RGPD4: variants seen among roughly 807,000 people sequenced by gnomAD.
RGPD4 encodes RANBP2 like and GRIP domain containing 4.
RGPD4 carries 84 observed loss-of-function variants against 141.1 expected under a neutral mutation model. The observed-to-expected ratio is 0.60, with a 90% confidence interval of 0.50 to 0.71. The LOEUF is 0.71. Among genes scored for constraint, RGPD4 ranks in the 30% least tolerant of loss-of-function variants. The pLI is 0.00. For synonymous variants in RGPD4, 298 were observed against 566.8 expected (o/e 0.53, Z 6.74); for missense variants, 918 against 1,622.4 (o/e 0.57, Z 7.46).
intron 7 of RGPD4, among the ~76,000 whole-genome samples, chr2:107,853,925 CTT>C (rs1417163770): frequency 2.6e-5 from 3 of 114,318 alleles, no homozygotes; most frequent in African/African-American, 7.0e-5. Context: ...TTAAAAAAAA[CTT>C]TTTTTAGAGA....
At chr2:107,828,780 C>T (rs1681344145) in intron 1 of RGPD4, among the ~76,000 whole-genome samples, 1 of 27,136 alleles carries the variant, frequency 3.7e-5, no homozygotes, top group Admixed American at 2.3e-4. Flanking sequence ...TGGCTCCTGA[C>T]GGGCGCTGCT....
At position 107,882,762 on chromosome 2, in the gene RGPD4, C is replaced by T. The variant is rs367571051; in HGVS notation, c.5155C>T (p.Gln1719Ter). ...GGAACACTTGAAGAACGTCTTGCTGCAGTTCATTTTCTTGAAGCCAGGTAG... is the reference window on the plus strand; with the variant it reads ...GGAACACTTGAAGAACGTCTTGCTGTAGTTCATTTTCTTGAAGCCAGGTAG... ...NVEHLKNVLLQFIFLKPGSER... is the reference protein window; with the variant it reads ...NVEHLKNVLL The change falls in exon 22 of 23, where the codon CAG (glutamine) becomes TAG (stop). Residue 1719 changes from glutamine to a stop codon, truncating the protein, a stop_gained. Coordinates refer to ENST00000408999, the MANE Select transcript of RGPD4 (RefSeq NM_182588.3). LOFTEE classifies it high-confidence loss of function. The T allele has an allele frequency of 3.1e-6, 5 of 1,611,514 alleles. No individual in the cohort carries two copies. In the South Asian group the frequency reaches 5.5e-5, roughly 18 times the overall value.
At chr2:107,834,434 A>C (rs1451703926) in intron 1 of RGPD4, among the ~76,000 whole-genome samples, 2 of 151,876 alleles carry the variant, frequency 1.3e-5, no homozygotes, top group African/African-American at 2.4e-5. Flanking sequence ...AACAGTTCTG[A>C]ATAACATGAT....
chr2:107,854,774 A>G (rs531782360), intron 8 of RGPD4, 131 bp downstream of exon 8: 11 of 1,199,894 alleles, frequency 9.2e-6, no homozygotes, highest in Non-Finnish European at 1.2e-5. Flanking sequence ...GTATCAGTTA[A>G]GAGCAATAGG....
intron 1 of RGPD4, among the ~76,000 whole-genome samples, chr2:107,833,499 A>G (rs1162485474): frequency 1.5e-4 from 23 of 150,094 alleles, no homozygotes; most frequent in African/African-American, 4.7e-4. Context: ...TCCTGTTTAC[A>G]TAACATGGGC....
In RGPD4 at chr2:107,859,767, A is replaced by G; in HGVS notation, c.1680A>G (p.Ile560Met). The G allele has an allele frequency of 6.2e-7, 1 of 1,610,986 alleles. No individual in the cohort carries two copies. Among genetic ancestry groups the G allele is most frequent in the Non-Finnish European group, 8.5e-7 (1 of 1,179,820 alleles). Reference sequence around the variant, plus strand: ...TGAGACTTTTAGTTCAGCATGAAATAAACACTCTAAGAGCCCAGGAAAAAC... The same window carrying G: ...TGAGACTTTTAGTTCAGCATGAAATGAACACTCTAAGAGCCCAGGAAAAAC... ...AKLRLLVQHE[I>M]NTLRAQEKHG... Residue 560 changes from isoleucine (I) to methionine (M), a missense_variant, in exon 12 of 23, where the codon ATA becomes ATG. Coordinates refer to ENST00000408999, the MANE Select transcript of RGPD4 (RefSeq NM_182588.3).
At chr2:107,828,284 CGCTGCTCCCTGGCGCGCTCTGTTGA>C (rs1681309834) in intron 1 of RGPD4, among the ~76,000 whole-genome samples, 1 of 40,938 alleles carries the variant, frequency 2.4e-5, no homozygotes, top group East Asian at 4.2e-4. Context: ...TCCCGACGGG[CGCTGCTCCCTGGCGCGCTCTGTTGA>C]GGCGGCGGCC....
At chr2:107,881,838 C>T (rs1231956394) in intron 21 of RGPD4, among the ~76,000 whole-genome samples, 2 of 151,550 alleles carry the variant, frequency 1.3e-5, no homozygotes, top group Admixed American at 6.6e-5. Context: ...TGCCTCATTT[C>T]TCTGATAGTG....
chr2:107,873,630 G>A (rs1388289193), intron 20 of RGPD4, among the ~76,000 whole-genome samples: 2 of 149,908 alleles, frequency 1.3e-5, no homozygotes, highest in African/African-American at 4.9e-5. Flanking sequence ...CATTTTATGT[G>A]TTGTATGTCA....
chr2:107,890,663 T>G, intron 22 of RGPD4, 58 bp from the exon 23 acceptor site: 3 of 1,488,928 alleles, frequency 2.0e-6, no homozygotes, highest in South Asian at 2.5e-5. Context: ...ATATAGATTT[T>G]ACATTGAGAA....
intron 6 of RGPD4, among the ~76,000 whole-genome samples, chr2:107,845,629 C>T (rs1475705879): frequency 1.3e-5 from 2 of 152,278 alleles, no homozygotes; most frequent in Admixed American, 6.5e-5. Flanking sequence ...ACTCATGGGC[C>T]CTTTGTTACC....
chr2:107,829,758 C>G (rs1468089388), intron 1 of RGPD4, among the ~76,000 whole-genome samples: 4 of 152,140 alleles, frequency 2.6e-5, no homozygotes, highest in Non-Finnish European at 5.9e-5. Context: ...GACGCTTGTT[C>G]CCGACGGTGC....
At chr2:107,878,473 G>A (rs577586503) in intron 20 of RGPD4, among the ~76,000 whole-genome samples, 14 of 151,554 alleles carry the variant, frequency 9.2e-5, no homozygotes, top group African/African-American at 3.2e-4. Context: ...TAATTCTCCC[G>A]AAACTAAACT....
intron 9 of RGPD4, among the ~76,000 whole-genome samples, chr2:107,858,442 T>TC (rs1558804147): frequency 1.3e-5 from 2 of 151,024 alleles, no homozygotes; most frequent in Non-Finnish European, 2.9e-5. Context: ...TCTTTTCTTT[T>TC]CTTTTCTTTT....
chr2:107,828,018 G>A (rs1397638894), intron 1 of RGPD4, among the ~76,000 whole-genome samples: 1 of 65,816 alleles, frequency 1.5e-5, no homozygotes. Flanking sequence ...GCCCGGCGGC[G>A]GCCGCGATGG....
chr2:107,846,081 C>T (rs972940610), intron 6 of RGPD4, among the ~76,000 whole-genome samples: 2 of 122,918 alleles, frequency 1.6e-5, no homozygotes, highest in Non-Finnish European at 3.4e-5. Context: ...TTCCTGCCAC[C>T]ACACCCAGCT....
At chr2:107,829,780 C>T (rs1460477281) in intron 1 of RGPD4, among the ~76,000 whole-genome samples, 10 of 152,222 alleles carry the variant, frequency 6.6e-5, no homozygotes, top group Admixed American at 4.6e-4. Context: ...CGCTCCTGGG[C>T]CCGTCCTGGC....
At chr2:107,878,109 G>T (rs1216048211) in intron 20 of RGPD4, among the ~76,000 whole-genome samples, 3 of 150,826 alleles carry the variant, frequency 2.0e-5, no homozygotes, top group Non-Finnish European at 4.4e-5. Flanking sequence ...ACCACGCCCG[G>T]CCTTGATGAC....
Position 107,877,145 on chromosome 2 carries a change from G to A in RGPD4, c.4925-2823G>A, listed in dbSNP as rs4012358. 2.6e-3 allele frequency among the ~76,000 whole-genome samples: 395 copies of A among 150,984 alleles called. 8 individuals carry two copies. The highest frequency in any genetic ancestry group is 8.5e-3 in the African/African-American group (348 of 40,804). ...TCTCAGCACTTTGGGAGGCCAAGGC[G>A]GGTGGATCACATGAGGCCAGGAGTT... On this transcript the variant is annotated intron_variant, in intron 20 of 22. Coordinates refer to ENST00000408999, the MANE Select transcript of RGPD4 (RefSeq NM_182588.3).
Sources: gnomAD v4.1 joint callset for allele counts (sites outside exome capture counted in the v4.1 genomes callset) on GRCh38, gnomAD v4.1.1 for gene constraint, MANE v1.5 for transcripts, NCBI Gene and HGNC (gene_info 2026-07-23, HGNC 2026-07-21) for gene names.